RORA: variants seen among roughly 807,000 people sequenced by gnomAD.
RORA encodes RAR related orphan receptor A.
A neutral mutation model predicts 69.5 loss-of-function variants in RORA; 7 were observed. The observed-to-expected ratio is 0.10, with a 90% CI of 0.06 to 0.19. The LOEUF (loss-of-function observed/expected upper bound fraction) is 0.19, where lower values mean the gene tolerates loss of function less well. Among genes scored for constraint, RORA ranks in the 10% least tolerant of loss-of-function variants. The pLI, the probability that RORA is intolerant of heterozygous loss-of-function variation, is 1.00. For synonymous variants in RORA, 261 were observed against 240.8 expected, an observed-to-expected ratio of 1.08 and a Z score of -0.78; for missense variants, 457 against 663.0, an observed-to-expected ratio of 0.69 and a Z score of 3.41.
intron 1 of RORA, among the ~76,000 whole-genome samples, chr15:61,078,297 G>C (rs112538865): frequency 0.033 from 4,973 of 151,904 alleles, 268 homozygotes; most frequent in African/African-American, 0.11. Context: ...CTGAGTAGCT[G>C]AGATTACAGG....
intron 1 of RORA, among the ~76,000 whole-genome samples, chr15:60,930,323 G>A (rs1238833740): frequency 1.3e-5 from 2 of 152,118 alleles, no homozygotes; most frequent in Non-Finnish European, 2.9e-5. Flanking sequence ...AACAGGAAGA[G>A]GGAGGAGCAT....
chr15:61,222,735 T>C (rs973849910), intron 1 of RORA, among the ~76,000 whole-genome samples: 1 of 152,204 alleles, frequency 6.6e-6, no homozygotes, highest in Non-Finnish European at 1.5e-5. Context: ...CCAGGGATGC[T>C]TTCCATATTC....
chr15:60,537,954 T>C lies in RORA; in HGVS notation c.197-6103A>G, dbSNP rs1315460194. Among the ~76,000 whole-genome samples, 2 of 152,196 alleles carry C rather than the reference T, an allele frequency of 1.3e-5. No homozygotes were observed. Among genetic ancestry groups the C allele is most frequent in the African/African-American group, 4.8e-5 (2 of 41,442 alleles). ...TTCTATATAGTTTTCAAAGTTTTTA[T>C]CCTTGTTAGCTTGCTTTGATTTTGG... On this transcript the variant is annotated intron_variant, in intron 2 of 10. Transcript: ENST00000335670. The surrounding 1 kb of genome is among the most constrained non-coding windows in gnomAD (Gnocchi z 4.9).
chr15:60,924,611 T>C (rs1052000695), intron 1 of RORA, among the ~76,000 whole-genome samples: 1 of 152,154 alleles, frequency 6.6e-6, no homozygotes, highest in Non-Finnish European at 1.5e-5. Context: ...TATCCTCAGA[T>C]TCCTCATTAA....
intron 1 of RORA, among the ~76,000 whole-genome samples, chr15:61,207,898 G>A (rs2140933885): frequency 6.6e-6 from 1 of 152,308 alleles, no homozygotes; most frequent in Admixed American, 6.5e-5. Context: ...TAATCACATA[G>A]CAAGGAAAAG....
At chr15:60,845,468 T>C (rs1281843826) in intron 1 of RORA, among the ~76,000 whole-genome samples, 1 of 152,150 alleles carries the variant, frequency 6.6e-6, no homozygotes, top group Non-Finnish European at 1.5e-5. Flanking sequence ...TGATGATTCT[T>C]TAAGGTCCCC....
intron 1 of RORA, among the ~76,000 whole-genome samples, chr15:61,145,325 G>T (rs1292024874): frequency 2.0e-5 from 3 of 152,132 alleles, no homozygotes; most frequent in Admixed American, 6.5e-5. Context: ...CAACAATCCT[G>T]CAAGTTACGT....
At chr15:60,941,999 T>A (rs1322321319) in intron 1 of RORA, among the ~76,000 whole-genome samples, 16 of 152,234 alleles carry the variant, frequency 1.1e-4, no homozygotes. Flanking sequence ...TAAAATCTGC[T>A]AAGTCTTCAA....
rs539667344 is a variant in RORA at position 60,701,221 on chromosome 15, T to C, written c.167-22535A>G. Among the ~76,000 whole-genome samples the C allele has an allele frequency of 1.9e-4, 29 of 152,310 alleles. 1 individual carries two copies. Among genetic ancestry groups the C allele is most frequent in the African/African-American group, 6.7e-4 (28 of 41,568 alleles). Reference sequence around the variant, plus strand: ...TCTCTTGATCCTAAGCCCCTGCCATTGTGTCTGGCACATAATAGCTTCTTG... The same window carrying C: ...TCTCTTGATCCTAAGCCCCTGCCATCGTGTCTGGCACATAATAGCTTCTTG... On this transcript the variant is annotated intron_variant, in intron 1 of 10. Coordinates refer to ENST00000335670, the MANE Select transcript of RORA (RefSeq NM_134261.3).
intron 3 of RORA, among the ~76,000 whole-genome samples, chr15:60,526,783 A>G (rs1269667272): frequency 1.3e-5 from 2 of 152,248 alleles, no homozygotes; most frequent in Non-Finnish European, 2.9e-5. Context: ...GACTAGCAAC[A>G]TTTCACAACT....
intron 1 of RORA, among the ~76,000 whole-genome samples, chr15:60,903,242 G>C (rs1041889745): frequency 6.6e-6 from 1 of 152,188 alleles, no homozygotes; most frequent in Non-Finnish European, 1.5e-5. Context: ...GGTGAGGAGA[G>C]AGGCTAATGG....
intron 1 of RORA, among the ~76,000 whole-genome samples, chr15:60,978,424 C>T (rs11071576): frequency 0.21 from 32,546 of 152,060 alleles, 3,707 homozygotes; most frequent in African/African-American, 0.27. Flanking sequence ...ATACTAATCT[C>T]TTACAAAATA....
chr15:60,768,859 T>G (rs753419914), intron 1 of RORA, among the ~76,000 whole-genome samples: 8 of 152,206 alleles, frequency 5.3e-5, no homozygotes, highest in Non-Finnish European at 1.2e-4. Context: ...CAATGATTAT[T>G]TCAAGAAAGG....
intron 1 of RORA, among the ~76,000 whole-genome samples, chr15:60,948,975 G>C (rs1284716238): frequency 6.6e-6 from 1 of 152,196 alleles, no homozygotes; most frequent in Non-Finnish European, 1.5e-5. Flanking sequence ...AGGCAAACAG[G>C]AAACAGGCAG....
intron 1 of RORA, among the ~76,000 whole-genome samples, chr15:61,069,512 G>A (rs904295194): frequency 3.9e-5 from 6 of 152,082 alleles, no homozygotes; most frequent in African/African-American, 1.2e-4. Flanking sequence ...AGGAAGGGGC[G>A]AGTGGAAACA....
intron 1 of RORA, among the ~76,000 whole-genome samples, chr15:61,160,013 C>T (rs941443999): frequency 6.6e-6 from 1 of 152,124 alleles, no homozygotes; most frequent in African/African-American, 2.4e-5. Flanking sequence ...TCCTTCTCTG[C>T]GATCACCAGG....
chr15:60,511,679 C>G lies in RORA; in HGVS notation c.425-58G>C, dbSNP rs2141321574. 1 of 1,506,954 alleles carries G rather than the reference C, an allele frequency of 6.6e-7. No homozygotes were observed. Among genetic ancestry groups the G allele is most frequent in the South Asian group, 1.4e-5 (1 of 73,888 alleles). 93.3% of individuals were successfully genotyped at this position (1,506,954 alleles called of 1,614,324 possible). A position where few individuals can be genotyped will look rare whatever the true frequency, so the allele number is the denominator to read the frequency against. On this transcript the variant is annotated intron_variant, in intron 4 of 10. Transcript: ENST00000335670. The surrounding 1 kb of genome is among the most constrained non-coding windows in gnomAD (Gnocchi z 6.4). Reference sequence around the variant, plus strand: ...AATGCGCTTTTCTTCAATATTCTCTCCTGCGAGCTTTGGGGTTTCCTTTGA... The same window carrying G: ...AATGCGCTTTTCTTCAATATTCTCTGCTGCGAGCTTTGGGGTTTCCTTTGA...
intron 1 of RORA, among the ~76,000 whole-genome samples, chr15:61,094,170 T>TCCA (rs2078754718): frequency 6.6e-6 from 1 of 152,144 alleles, no homozygotes; most frequent in African/African-American, 2.4e-5. Flanking sequence ...ATTCCTGGGG[T>TCCA]AACTACTCCT....
chr15:60,902,751 G>C (rs941848119), intron 1 of RORA, among the ~76,000 whole-genome samples: 2 of 152,160 alleles, frequency 1.3e-5, no homozygotes, highest in East Asian at 3.9e-4. Flanking sequence ...TACTCCCACC[G>C]TGGTTGAACG....
Sources: allele counts gnomAD v4.1 joint callset (sites outside exome capture counted in the v4.1 genomes callset), GRCh38; gene constraint gnomAD v4.1.1; non-coding constraint Gnocchi (gnomAD v3.1); transcripts MANE v1.5; gene names NCBI Gene and HGNC (gene_info 2026-07-23, HGNC 2026-07-21).